Variants in COBL observed in about 807,000 individuals in gnomAD.
COBL encodes the protein protein cordon-bleu.
A neutral mutation model predicts 98.8 loss-of-function variants in COBL; 51 were observed. The observed-to-expected ratio is 0.52, with a 90% confidence interval of 0.41 to 0.65. The LOEUF (loss-of-function observed/expected upper bound fraction) is 0.65. COBL is among the 30% of genes least tolerant of loss of function. The probability of loss-of-function intolerance (pLI) is 0.00; values close to 1 mark genes in which losing one functional copy is unlikely to be tolerated. For missense variants in COBL, 1,617 were observed against 1,617.5 expected, an observed-to-expected ratio of 1.00 and a Z score of 0.01; for synonymous variants, 634 against 651.7, an observed-to-expected ratio of 0.97 and a Z score of 0.41.
At chr7:51,086,353 T>C (rs1424438171) in intron 6 of COBL, among the ~76,000 whole-genome samples, 2 of 103,172 alleles carry the variant, frequency 1.9e-5, no homozygotes, top group African/African-American at 4.2e-5. Flanking sequence ...CAAGACTGTG[T>C]CTCAGAAAAA....
At chr7:51,043,255 T>G (rs1789377946) in intron 8 of COBL, 128 bp downstream of exon 8, 1 of 759,662 alleles carries the variant, frequency 1.3e-6, no homozygotes, top group Non-Finnish European at 2.1e-6. Context: ...CTGCTGTGAA[T>G]CAGGGTCGGG....
chr7:51,267,984 T>C (rs1055812190), intron 1 of COBL, among the ~76,000 whole-genome samples: 4 of 152,188 alleles, frequency 2.6e-5, no homozygotes, highest in African/African-American at 9.6e-5. Context: ...ACCTCCACTT[T>C]TGAGACCACG....
At chr7:51,252,323 A>G (rs1265215440) in intron 1 of COBL, among the ~76,000 whole-genome samples, 1 of 152,122 alleles carries the variant, frequency 6.6e-6, no homozygotes, top group African/African-American at 2.4e-5. Context: ...GACTCTTTTT[A>G]TCATCCCCAA....
intron 7 of COBL, among the ~76,000 whole-genome samples, chr7:51,075,765 A>C (rs1793012104): frequency 6.6e-6 from 1 of 152,256 alleles, no homozygotes; most frequent in Non-Finnish European, 1.5e-5. Context: ...AAATAGGCTC[A>C]TAAGGTTTTT....
chr7:51,085,979 C>A (rs970825946), intron 6 of COBL, among the ~76,000 whole-genome samples: 5 of 152,206 alleles, frequency 3.3e-5, no homozygotes, highest in Middle Eastern at 3.2e-3. Flanking sequence ...CACACAGCTT[C>A]TAAAGGCAGC....
chr7:51,146,446 T>G (rs1785038606), intron 5 of COBL, among the ~76,000 whole-genome samples: 2 of 152,160 alleles, frequency 1.3e-5, no homozygotes, highest in African/African-American at 2.4e-5. Context: ...TTCAAAGCGA[T>G]CGGCAGTTTC....
At chr7:51,217,776 C>T (rs1243897597) in intron 2 of COBL, among the ~76,000 whole-genome samples, 3 of 152,058 alleles carry the variant, frequency 2.0e-5, no homozygotes, top group Non-Finnish European at 2.9e-5. Context: ...TATAATAATG[C>T]GACTAATTTC....
Position 51,043,703 on chromosome 7 carries a change from C to A in COBL, c.1097-11G>T. On this transcript the variant is annotated splice_polypyrimidine_tract_variant and intron_variant, in intron 7 of 12. Transcript: ENST00000265136. ...CCAGGGGCAGGCTTACTGGACAAGACACGGCAAGGACAGGTCAGCCCAAAC... is the reference window on the plus strand; with the variant it reads ...CCAGGGGCAGGCTTACTGGACAAGAAACGGCAAGGACAGGTCAGCCCAAAC... The A allele has an allele frequency of 6.2e-7, 1 of 1,609,044 alleles. No homozygotes were observed.
chr7:51,285,913 G>C (rs1032881590), intron 1 of COBL, among the ~76,000 whole-genome samples: 2 of 152,154 alleles, frequency 1.3e-5, no homozygotes, highest in African/African-American at 4.8e-5. Context: ...AAACAAGACT[G>C]ACAATCAAGA....
rs1793458513 is a variant in COBL, at chr7:51,219,870, G to A, written c.116C>T (p.Pro39Leu). 1.9e-6 allele frequency: 3 copies of A among 1,613,494 alleles called. No individual in the cohort carries two copies. The highest frequency in any genetic ancestry group is 4.5e-5 in the East Asian group (2 of 44,846). Residue 39 changes from proline to leucine, a missense_variant, in exon 2 of 13, where the codon CCC becomes CTC. Coordinates refer to ENST00000265136, the MANE Select transcript of COBL (RefSeq NM_015198.5). ...ATLHVHSDQK[P>L]PHDGALGSQQ... ...CGACCCGAGGGCCCCATCGTGGGGG[G>A]GCTTCTGGTCACTGTGCACATGCAG...
chr7:51,169,321 G>A (rs948643785), intron 5 of COBL, among the ~76,000 whole-genome samples: 1 of 152,112 alleles, frequency 6.6e-6, no homozygotes, highest in Non-Finnish European at 1.5e-5. Flanking sequence ...TACGTGTACT[G>A]ATTGATGTAT....
chr7:51,299,983 C>A (rs1801777640), intron 1 of COBL, among the ~76,000 whole-genome samples: 1 of 152,194 alleles, frequency 6.6e-6, no homozygotes, highest in South Asian at 2.1e-4. Context: ...AGTCCACGGA[C>A]CACACCTGGA....
chr7:51,060,174 C>A (rs1267328744), intron 7 of COBL, among the ~76,000 whole-genome samples: 1 of 152,184 alleles, frequency 6.6e-6, no homozygotes, highest in Non-Finnish European at 1.5e-5. Context: ...CCAGATCTCA[C>A]AATGAAAGGT....
chr7:51,184,917 G>T (rs1011904169), intron 4 of COBL, among the ~76,000 whole-genome samples: 1 of 152,216 alleles, frequency 6.6e-6, no homozygotes, highest in Non-Finnish European at 1.5e-5. Context: ...GGGCTCCCCA[G>T]GTGGTATTTG....
Position 51,028,151 on chromosome 7 carries a change from G to A in COBL, c.2945C>T (p.Ser982Phe), listed in dbSNP as rs370675431. 2 of 1,614,132 alleles carry A rather than the reference G, an allele frequency of 1.2e-6. No homozygotes were observed. The highest frequency in any genetic ancestry group is 2.7e-5 in the African/African-American group (2 of 74,946). ...TCCCACAGAAACACGATCCCTCTGG[G>A]AAGACTGAACCAGTGAGAAACAGGA... ...RSSCFSLVQS[S>F]QRDRVSVGQS... The change falls in exon 10 of 13, where the codon TCC (serine) becomes TTC (phenylalanine). Residue 982 changes from serine (S) to phenylalanine (F), a missense_variant. Ser to Phe is a radical substitution (Grantham distance 155). Around this residue, in one of 3 missense-constraint regions of COBL, gnomAD observed 1,304 missense variants for 1,282.0 expected, o/e 1.02. Coordinates refer to ENST00000265136, the MANE Select transcript of COBL (RefSeq NM_015198.5).
At chr7:51,237,317 G>A (rs1795347929) in intron 1 of COBL, among the ~76,000 whole-genome samples, 1 of 138,754 alleles carries the variant, frequency 7.2e-6, no homozygotes, top group South Asian at 2.1e-4. Flanking sequence ...AGCAAATAAA[G>A]GAGTTTACTT....
At chr7:51,208,409 G>A (rs1406361878) in intron 2 of COBL, among the ~76,000 whole-genome samples, 14 of 132,038 alleles carry the variant, frequency 1.1e-4, no homozygotes, top group Admixed American at 5.2e-4. Context: ...CCCCCCGCCC[G>A]GCCAGCCGCC....
At chr7:51,268,833 G>A (rs12671324) in intron 1 of COBL, among the ~76,000 whole-genome samples, 9,619 of 151,834 alleles carry the variant, frequency 0.063, 546 homozygotes, top group East Asian at 0.3. Context: ...AGGAGGCTGA[G>A]GCAGGAGAAT....
chr7:51,192,962 G>A (rs1259932577), intron 3 of COBL, among the ~76,000 whole-genome samples: 1 of 152,042 alleles, frequency 6.6e-6, no homozygotes, highest in African/African-American at 2.4e-5. Context: ...TTCAAAAGCT[G>A]TGTCAATTAA....
Sources: gnomAD v4.1 joint callset for allele counts (sites outside exome capture counted in the v4.1 genomes callset) on GRCh38, gnomAD v4.1.1 for gene constraint, gnomAD v4.1.1 regional missense constraint, MANE v1.5 for transcripts, NCBI Gene and HGNC (gene_info 2026-07-23, HGNC 2026-07-21) for gene names.